Variants in THSD4 observed in about 807,000 individuals in gnomAD.
The protein encoded by THSD4 is thrombospondin type-1 domain-containing protein 4.
A neutral mutation model predicts 119.0 loss-of-function variants in THSD4; 69 were observed. The observed-to-expected ratio is 0.58, with a 90% CI of 0.48 to 0.71. The LOEUF (loss-of-function observed/expected upper bound fraction) is 0.71. Ranked by LOEUF, THSD4 falls within the 30% of genes least tolerant of loss-of-function variation. The pLI, the probability that THSD4 is intolerant of heterozygous loss-of-function variation, is 0.00. For missense variants in THSD4, 1,393 were observed against 1,391.1 expected, an observed-to-expected ratio of 1.00 and a Z score of -0.02; for synonymous variants, 524 against 540.4, an observed-to-expected ratio of 0.97 and a Z score of 0.42.
rs578097977 is a variant in THSD4 at position 71,120,089 on chromosome 15, G to T, written c.-80+4391G>T. Among the ~76,000 whole-genome samples the T allele has an allele frequency of 1.1e-4, 16 of 152,274 alleles. No homozygotes were observed. In the South Asian group the frequency reaches 2.3e-3, roughly 22 times the overall value. ...AACAAAAATGTATATGTAATCTCAG[G>T]CCCCCTCAAATCCAGGGTTTTGTGT... On this transcript the variant is annotated intron_variant, in intron 1 of 17. Transcript: ENST00000261862.
intron 7 of THSD4, among the ~76,000 whole-genome samples, chr15:71,559,057 G>A (rs1479692783): frequency 6.6e-6 from 1 of 152,140 alleles, no homozygotes; most frequent in African/African-American, 2.4e-5. Flanking sequence ...TTGGTTCGGA[G>A]ACTTTTATAT....
chr15:71,265,854 C>G (rs566697315), intron 6 of THSD4, among the ~76,000 whole-genome samples: 1 of 152,154 alleles, frequency 6.6e-6, no homozygotes, highest in Non-Finnish European at 1.5e-5. Context: ...AGTTCAAACT[C>G]GGCAGAGCCC....
intron 5 of THSD4, among the ~76,000 whole-genome samples, chr15:71,246,411 C>T (rs1181194980): frequency 2.6e-5 from 4 of 152,154 alleles, no homozygotes; most frequent in Admixed American, 6.5e-5. Context: ...CTCAGTCCCA[C>T]GTTAGCTGCG....
chr15:71,498,795 A>G (rs1006176988), intron 7 of THSD4, among the ~76,000 whole-genome samples: 1 of 151,498 alleles, frequency 6.6e-6, no homozygotes, highest in African/African-American at 2.4e-5. Context: ...TCCTGGGCTC[A>G]AACAATCCTC....
intron 11 of THSD4, among the ~76,000 whole-genome samples, chr15:71,742,073 G>A (rs572784665): frequency 3.3e-5 from 5 of 152,298 alleles, no homozygotes; most frequent in Admixed American, 1.3e-4. Context: ...CAAGCCTCCC[G>A]GCATTGTCCA....
At chr15:71,643,715 T>C (rs549893638) in intron 7 of THSD4, among the ~76,000 whole-genome samples, 2 of 152,228 alleles carry the variant, frequency 1.3e-5, no homozygotes, top group Admixed American at 1.3e-4. Context: ...AGTGAACATG[T>C]GGCTATTTTG....
At chr15:71,727,186 G>A (rs1425093065) in intron 8 of THSD4, among the ~76,000 whole-genome samples, 1 of 151,958 alleles carries the variant, frequency 6.6e-6, no homozygotes, top group African/African-American at 2.4e-5. Context: ...GAGCCACTCT[G>A]AAAAATGGGG....
chr15:71,292,620 C>T (rs926306691), intron 6 of THSD4, among the ~76,000 whole-genome samples: 2 of 151,326 alleles, frequency 1.3e-5, no homozygotes, highest in African/African-American at 4.9e-5. Flanking sequence ...GTTCTTGTTT[C>T]ATGGATGCAC....
chr15:71,393,328 A>G (rs1438084925), intron 6 of THSD4, among the ~76,000 whole-genome samples: 2 of 151,910 alleles, frequency 1.3e-5, no homozygotes, highest in Non-Finnish European at 2.9e-5. Context: ...AATGGGATGA[A>G]TGAATGAGGC....
chr15:71,115,288 GTC>G (rs1438647596), upstream of THSD4: 5 of 152,416 alleles, frequency 3.3e-5, no homozygotes, highest in African/African-American at 1.2e-4. The surrounding 1 kb of genome is among the most constrained non-coding windows in gnomAD (Gnocchi z 4.4). Context: ...ACTGGGTGAT[GTC>G]TCTTCCCCTG....
intron 7 of THSD4, among the ~76,000 whole-genome samples, chr15:71,561,465 C>T (rs1369857037): frequency 6.6e-6 from 1 of 152,098 alleles, no homozygotes; most frequent in East Asian, 1.9e-4. Flanking sequence ...ATTGTGAAAT[C>T]TGTGAGTGGG....
intron 7 of THSD4, among the ~76,000 whole-genome samples, chr15:71,579,005 G>A (rs566722040): frequency 1.3e-5 from 2 of 151,718 alleles, no homozygotes; most frequent in Admixed American, 1.3e-4. Flanking sequence ...TATCACACCC[G>A]GCTAATTTTT....
chr15:71,683,454 A>C (rs1050683629), intron 8 of THSD4, among the ~76,000 whole-genome samples: 2 of 152,196 alleles, frequency 1.3e-5, no homozygotes, highest in African/African-American at 4.8e-5. Flanking sequence ...ACAAAATTCT[A>C]CCGGGGAAAC....
intron 7 of THSD4, among the ~76,000 whole-genome samples, chr15:71,635,659 G>A (rs1286212618): frequency 6.6e-6 from 1 of 152,134 alleles, no homozygotes; most frequent in African/African-American, 2.4e-5. Flanking sequence ...AAACATACCA[G>A]ACAAAGGTTG....
intron 7 of THSD4, among the ~76,000 whole-genome samples, chr15:71,490,360 AC>A (rs1343807103): frequency 6.6e-6 from 1 of 152,100 alleles, no homozygotes; most frequent in Non-Finnish European, 1.5e-5. Context: ...GGAGATCGAG[AC>A]CATCCTGGCT....
At chr15:71,409,895 T>TG (rs1048552884) in intron 6 of THSD4, among the ~76,000 whole-genome samples, 22 of 152,136 alleles carry the variant, frequency 1.4e-4, no homozygotes, top group South Asian at 4.2e-4. Flanking sequence ...AGTTTTTTTT[T>TG]TTTTGTTTTT....
intron 7 of THSD4, among the ~76,000 whole-genome samples, chr15:71,480,730 G>A (rs910488509): frequency 6.6e-6 from 1 of 152,200 alleles, no homozygotes; most frequent in Non-Finnish European, 1.5e-5. Context: ...GCCTTGCATT[G>A]CATCTTAGTC....
intron 7 of THSD4, among the ~76,000 whole-genome samples, chr15:71,464,809 G>A (rs574139240): frequency 1.3e-5 from 2 of 152,266 alleles, no homozygotes; most frequent in East Asian, 3.9e-4. Flanking sequence ...TGGGTAGCCA[G>A]CTACCAACTT....
Position 71,164,351 on chromosome 15 carries a change from A to G in THSD4, c.99+9419A>G, listed in dbSNP as rs1247161580. Among the ~76,000 whole-genome samples the G allele has an allele frequency of 4.1e-4, 62 of 150,184 alleles. 1 individual carries two copies. Among genetic ancestry groups the G allele is most frequent in the Non-Finnish European group, 1.0e-4 (7 of 67,712 alleles). ...TTACTTAGAAGCATTCAGAATGTCA[A>G]CAAAACAGCTGCAACTTTTTTTTTT... is the stretch of plus-strand genomic sequence containing the variant. On this transcript the variant is annotated intron_variant, in intron 3 of 17. Transcript: ENST00000261862.
Sources: allele counts gnomAD v4.1 joint callset (sites outside exome capture counted in the v4.1 genomes callset), GRCh38; gene constraint gnomAD v4.1.1; non-coding constraint Gnocchi (gnomAD v3.1); transcripts MANE v1.5; gene names NCBI Gene and HGNC (gene_info 2026-07-23, HGNC 2026-07-21).